The following GALNTL6 variants were observed in gnomAD, a reference collection of about 807,000 sequenced individuals.
The protein encoded by GALNTL6 is polypeptide N-acetylgalactosaminyltransferase-like 6.
Under a neutral mutation model 73.7 loss-of-function variants are expected in GALNTL6, and 46 were observed. The ratio of observed to expected loss-of-function variants is 0.62; its 90% CI spans 0.49 to 0.80. The LOEUF (loss-of-function observed/expected upper bound fraction) is 0.80, where lower values mean the gene tolerates loss of function less well. Ranked by LOEUF, GALNTL6 falls within the 30% of genes least tolerant of loss-of-function variation. The pLI is 0.00. For synonymous variants in GALNTL6, 259 were observed against 263.7 expected (o/e 0.98, Z 0.17); for missense variants, 604 against 755.0 (o/e 0.80, Z 2.34).
intron 5 of GALNTL6, among the ~76,000 whole-genome samples, chr4:172,368,546 A>G (rs1265399660): frequency 1.3e-5 from 2 of 152,266 alleles, no homozygotes; most frequent in Non-Finnish European, 2.9e-5. Flanking sequence ...TAGTTCCAAC[A>G]TAACAGATCA....
chr4:172,580,215 A>C (rs1383556741), intron 5 of GALNTL6, among the ~76,000 whole-genome samples: 2 of 152,208 alleles, frequency 1.3e-5, no homozygotes, highest in African/African-American at 4.8e-5. Context: ...GAAAACAGCA[A>C]AGTACAAATC....
At chr4:172,161,705 C>T (rs879933961) in intron 2 of GALNTL6, among the ~76,000 whole-genome samples, 54 of 151,984 alleles carry the variant, frequency 3.6e-4, no homozygotes, top group African/African-American at 1.1e-3. Flanking sequence ...GTAACACTGA[C>T]GGGTAATGTA....
intron 2 of GALNTL6, among the ~76,000 whole-genome samples, chr4:172,090,200 C>T (rs1002887614): frequency 3.3e-5 from 5 of 152,094 alleles, no homozygotes; most frequent in African/African-American, 1.2e-4. Context: ...ATTAATAATC[C>T]TTTGGATATA....
At chr4:172,280,948 C>A (rs553992879) in intron 3 of GALNTL6, among the ~76,000 whole-genome samples, 1 of 150,624 alleles carries the variant, frequency 6.6e-6, no homozygotes, top group South Asian at 2.1e-4. Context: ...ATCACGAGGT[C>A]AGGAGATCAA....
At chr4:172,441,073 TCTTCC>T (rs1731820628) in intron 5 of GALNTL6, among the ~76,000 whole-genome samples, 2 of 152,140 alleles carry the variant, frequency 1.3e-5, no homozygotes, top group African/African-American at 4.8e-5. Context: ...ATTAAACATC[TCTTCC>T]AACCTAATTT....
At chr4:172,832,149 C>T (rs1451108220) in intron 7 of GALNTL6, among the ~76,000 whole-genome samples, 1 of 152,120 alleles carries the variant, frequency 6.6e-6, no homozygotes, top group Admixed American at 6.5e-5. Context: ...GGACCTTGGG[C>T]TTCTCGGTAA....
intron 3 of GALNTL6, among the ~76,000 whole-genome samples, chr4:172,271,765 T>C (rs1004862340): frequency 6.6e-6 from 1 of 152,000 alleles, no homozygotes; most frequent in Non-Finnish European, 1.5e-5. Flanking sequence ...TATATAGCCA[T>C]ACACACATAC....
intron 5 of GALNTL6, among the ~76,000 whole-genome samples, chr4:172,706,392 C>T (rs1409041201): frequency 6.6e-6 from 1 of 152,060 alleles, no homozygotes; most frequent in Non-Finnish European, 1.5e-5. Context: ...GATTTCCTTA[C>T]ACTGCTGGTT....
chr4:172,025,477 G>C (rs980814947), intron 2 of GALNTL6, among the ~76,000 whole-genome samples: 1 of 151,456 alleles, frequency 6.6e-6, no homozygotes, highest in Non-Finnish European at 1.5e-5. Context: ...AGCTGGTGTT[G>C]GCTTTTCAAA....
At chr4:173,002,546 G>A (rs1337222547) in intron 10 of GALNTL6, among the ~76,000 whole-genome samples, 1 of 151,810 alleles carries the variant, frequency 6.6e-6, no homozygotes, top group Non-Finnish European at 1.5e-5. Flanking sequence ...TGTAATCCCA[G>A]CACTTTGGGA....
intron 10 of GALNTL6, among the ~76,000 whole-genome samples, chr4:173,006,910 C>A (rs1752325889): frequency 6.6e-6 from 1 of 152,240 alleles, no homozygotes. Context: ...AGGTTAAGAA[C>A]TGTTCCCCTG....
At chr4:172,864,798 G>A (rs1744578244) in intron 7 of GALNTL6, among the ~76,000 whole-genome samples, 1 of 152,020 alleles carries the variant, frequency 6.6e-6, no homozygotes, top group Admixed American at 6.6e-5. Flanking sequence ...CCTTGACATG[G>A]TCTTTGATGT....
chr4:172,418,342 A>C (rs988197196), intron 5 of GALNTL6, among the ~76,000 whole-genome samples: 7 of 152,174 alleles, frequency 4.6e-5, no homozygotes, highest in African/African-American at 1.7e-4. Flanking sequence ...GGGCTTGGCC[A>C]ATATAACTTG....
intron 3 of GALNTL6, among the ~76,000 whole-genome samples, chr4:172,249,161 A>T (rs1014948762): frequency 6.6e-6 from 1 of 152,178 alleles, no homozygotes; most frequent in Non-Finnish European, 1.5e-5. Flanking sequence ...TGTTATAGTG[A>T]TATGAACAAT....
intron 7 of GALNTL6, among the ~76,000 whole-genome samples, chr4:172,879,004 C>T (rs1244258807): frequency 6.6e-6 from 1 of 151,634 alleles, no homozygotes; most frequent in Non-Finnish European, 1.5e-5. Flanking sequence ...GAGTGAAGAA[C>T]ATTATTAGGG....
intron 2 of GALNTL6, among the ~76,000 whole-genome samples, chr4:171,892,787 C>G (rs560433195): frequency 3.9e-5 from 6 of 152,232 alleles, no homozygotes; most frequent in African/African-American, 1.4e-4. Context: ...GCCTCCAACT[C>G]CTGGTCTTAA....
chr4:172,503,427 A>G (rs568019561), intron 5 of GALNTL6, among the ~76,000 whole-genome samples: 157 of 151,318 alleles, frequency 1.0e-3, no homozygotes, highest in African/African-American at 3.7e-3. Flanking sequence ...TTCTTATGCA[A>G]TTGTTTTACC....
At chr4:173,006,137 A>G (rs2126486601) in intron 10 of GALNTL6, among the ~76,000 whole-genome samples, 2 of 152,252 alleles carry the variant, frequency 1.3e-5, no homozygotes, top group African/African-American at 4.8e-5. Context: ...ATGCCAGCCG[A>G]CATAGGAGAG....
At chr4:172,792,889 G>C (rs903437406) in intron 5 of GALNTL6, among the ~76,000 whole-genome samples, 1 of 151,852 alleles carries the variant, frequency 6.6e-6, no homozygotes, top group African/African-American at 2.4e-5. Flanking sequence ...CTCTAATTCA[G>C]GTTCCAGGAT....
Sources: gnomAD v4.1 joint callset for allele counts (sites outside exome capture counted in the v4.1 genomes callset) on GRCh38, gnomAD v4.1.1 for gene constraint, MANE v1.5 for transcripts, NCBI Gene and HGNC (gene_info 2026-07-23, HGNC 2026-07-21) for gene names.